The following MYH15 variants were observed in gnomAD, a reference collection of about 807,000 sequenced individuals.
MYH15 encodes the protein myosin-15.
Under a neutral mutation model 240.5 loss-of-function variants are expected in MYH15, and 227 were observed. The observed-to-expected ratio is 0.94, with a 90% CI of 0.85 to 1.05. The LOEUF (loss-of-function observed/expected upper bound fraction) is 1.05. Ranked by LOEUF, MYH15 falls within the 50% of genes least tolerant of loss-of-function variation. The pLI is 0.00. For synonymous variants in MYH15, 785 were observed against 796.7 expected (o/e 0.99, Z 0.25); for missense variants, 2,217 against 2,247.5 (o/e 0.99, Z 0.27).
At chr3:108,384,905 T>A in intron 38 of MYH15, 123 bp from the exon 39 acceptor site, 1 of 808,066 alleles carries the variant, frequency 1.2e-6, no homozygotes, top group South Asian at 1.8e-5. Flanking sequence ...GAGTTGTGAT[T>A]TTAACAATGG....
At chr3:108,495,744 A>T in intron 7 of MYH15, 36 bp downstream of exon 7, 1 of 1,522,940 alleles carries the variant, frequency 6.6e-7, no homozygotes, top group Non-Finnish European at 9.0e-7. Flanking sequence ...CTTACAAATT[A>T]AATACTTTGA....
At chr3:108,450,473 C>T (rs1576240930) in intron 21 of MYH15, among the ~76,000 whole-genome samples, 1 of 152,102 alleles carries the variant, frequency 6.6e-6, no homozygotes, top group Non-Finnish European at 1.5e-5. Context: ...TAATCTCACT[C>T]ATATGTGGGA....
intron 2 of MYH15, among the ~76,000 whole-genome samples, chr3:108,504,159 G>C (rs1309045094): frequency 1.3e-5 from 2 of 152,170 alleles, no homozygotes; most frequent in Admixed American, 6.5e-5. Flanking sequence ...AGGAAAGAAG[G>C]GGGAGTGACT....
Position 108,421,241 on chromosome 3 carries a change from C to A in MYH15, c.3703-27G>T. Reference sequence around the variant, plus strand: ...TATAAGTTGAGAAAGAAGGGCTGGTCAGGGCTCACAGAGGATACTCTGAAT... The same window carrying A: ...TATAAGTTGAGAAAGAAGGGCTGGTAAGGGCTCACAGAGGATACTCTGAAT... On this transcript the variant is annotated intron_variant, in intron 27 of 40. Transcript: ENST00000693548. 2.5e-6 allele frequency: 4 copies of A among 1,604,184 alleles called. No individual in the cohort carries two copies. The South Asian group carries it at 4.4e-5, about 18-fold the overall frequency.
chr3:108,474,951 C>A (rs867635880), intron 12 of MYH15, among the ~76,000 whole-genome samples: 4 of 152,064 alleles, frequency 2.6e-5, no homozygotes, highest in Middle Eastern at 3.4e-3. Context: ...GGTTAGAAGA[C>A]AAAAATCTAA....
chr3:108,507,671 G>A (rs932876544), intron 1 of MYH15, among the ~76,000 whole-genome samples: 1 of 152,070 alleles, frequency 6.6e-6, no homozygotes, highest in African/African-American at 2.4e-5. Context: ...TGCCTTCTTC[G>A]TTTCCCTGAT....
At chr3:108,485,294 C>T in intron 10 of MYH15, 65 bp from the exon 11 acceptor site, 2 of 1,583,898 alleles carry the variant, frequency 1.3e-6, no homozygotes, top group Non-Finnish European at 8.6e-7. Flanking sequence ...GCACCTCACC[C>T]CCGCTGTGTT....
chr3:108,542,881 C>CA, the MYH15 span, among the ~76,000 whole-genome samples: 1 of 133,204 alleles, frequency 7.5e-6, no homozygotes, highest in Non-Finnish European at 1.6e-5. Flanking sequence ...GATCTCGTTC[C>CA]TTTTTTTTTT....
chr3:108,437,578 C>G lies in MYH15; in HGVS notation c.3197G>C (p.Arg1066Pro). The stretch of plus-strand genomic sequence containing the variant: ...CTTCCTCAGCTCTTCTGCCAGGTGT[C>G]GCTGGCTGCTTTCCAGGTTCTCCAT... ...ESMENLESSQ[R>P]HLAEELRKKE... Residue 1066 changes from arginine (R) to proline (P), a missense_variant, in exon 25 of 41, where the codon CGA (arginine) becomes CCA (proline). By Grantham distance (103) the Arg-to-Pro change is moderately radical. Coordinates refer to ENST00000693548, the MANE Select transcript of MYH15 (RefSeq NM_014981.3). 1 of 1,613,672 alleles carries G rather than the reference C, an allele frequency of 6.2e-7. No individual in the cohort carries two copies.
At chr3:108,400,445 C>T (rs910904784) in intron 33 of MYH15, among the ~76,000 whole-genome samples, 1 of 152,138 alleles carries the variant, frequency 6.6e-6, no homozygotes. Flanking sequence ...TCTCATAGAG[C>T]CTATCTCCAC....
chr3:108,427,633 C>CA lies in MYH15; in HGVS notation c.3702+858dup, dbSNP rs1208710683. Among the ~76,000 whole-genome samples the CA allele has an allele frequency of 2.3e-4, 25 of 111,038 alleles. No homozygotes were observed. The South Asian group carries it at 7.5e-3, about 33-fold the overall frequency. The allele number at this position is 111,038 out of a possible 152,430, so 72.8% of individuals were successfully genotyped here. ...CACACACACAACACACACACACACA[C>CA]ACAGAGAGAGAGAGAGAGAGAGAAA... is the stretch of plus-strand genomic sequence containing the variant. On this transcript the variant is annotated intron_variant, in intron 27 of 40. Transcript: ENST00000693548.
At chr3:108,386,659 C>A (rs911253452) in intron 38 of MYH15, among the ~76,000 whole-genome samples, 3 of 151,788 alleles carry the variant, frequency 2.0e-5, no homozygotes, top group African/African-American at 7.3e-5. Context: ...CGTCTCTGCC[C>A]CATCCTGCTT....
intron 11 of MYH15, among the ~76,000 whole-genome samples, chr3:108,483,251 A>C (rs1375094587): frequency 6.6e-6 from 1 of 151,940 alleles, no homozygotes; most frequent in East Asian, 1.9e-4. Flanking sequence ...ACAACAAAAA[A>C]ATCCTAATTT....
chr3:108,460,571 T>A (rs955205883), intron 16 of MYH15, among the ~76,000 whole-genome samples: 8 of 152,130 alleles, frequency 5.3e-5, no homozygotes, highest in African/African-American at 7.2e-5. Context: ...ATCAGGCAAC[T>A]GTGCAATGAT....
chr3:108,411,426 C>T (rs2082592235), intron 30 of MYH15, among the ~76,000 whole-genome samples: 2 of 152,192 alleles, frequency 1.3e-5, no homozygotes, highest in Admixed American at 1.3e-4. Flanking sequence ...CAACATGACA[C>T]AATTCTTTCT....
At chr3:108,458,837 T>C (rs994032572) in intron 18 of MYH15, among the ~76,000 whole-genome samples, 1 of 151,198 alleles carries the variant, frequency 6.6e-6, no homozygotes, top group Non-Finnish European at 1.5e-5. Flanking sequence ...TACCCAGAGT[T>C]ACATAACTAA....
intron 37 of MYH15, 37 bp downstream of exon 37, chr3:108,391,723 G>A (rs74660263): frequency 0.17 from 269,706 of 1,585,668 alleles, 25,622 homozygotes; most frequent in Non-Finnish European, 0.19. Context: ...TCTTGAATTG[G>A]GGACTGTCAA....
upstream of MYH15, among the ~76,000 whole-genome samples, chr3:108,530,412 A>G (rs1284498519): frequency 2.0e-5 from 3 of 152,202 alleles, no homozygotes; most frequent in Non-Finnish European, 4.4e-5. Flanking sequence ...TGAAAATATC[A>G]GTGATTTCCA....
chr3:108,497,479 T>C (rs557624267), intron 6 of MYH15, among the ~76,000 whole-genome samples: 1 of 152,152 alleles, frequency 6.6e-6, no homozygotes, highest in Admixed American at 6.5e-5. Flanking sequence ...CAAGTTATTA[T>C]GATGTCCATT....
Sources: gnomAD v4.1 joint callset for allele counts (sites outside exome capture counted in the v4.1 genomes callset) on GRCh38, gnomAD v4.1.1 for gene constraint, MANE v1.5 for transcripts, NCBI Gene and HGNC (gene_info 2026-07-23, HGNC 2026-07-21) for gene names.